The following LSAMP variants were observed in gnomAD, a reference collection of about 807,000 sequenced individuals.
LSAMP encodes the protein limbic system associated membrane protein.
LSAMP carries 7 observed loss-of-function variants against 38.6 expected under a neutral mutation model. That is an observed-to-expected ratio of 0.18 (90% CI 0.10 to 0.34). The LOEUF is 0.34. Among genes scored for constraint, LSAMP ranks in the 10% least tolerant of loss-of-function variants. The pLI is 1.00. For synonymous variants in LSAMP, 154 were observed against 166.8 expected (o/e 0.92, Z 0.59); for missense variants, 313 against 420.0 (o/e 0.75, Z 2.23).
chr3:115,986,579 T>C (rs1252657078), intron 3 of LSAMP, among the ~76,000 whole-genome samples: 2 of 152,038 alleles, frequency 1.3e-5, no homozygotes, highest in Non-Finnish European at 2.9e-5. Context: ...CTGAAAAAGT[T>C]GTGCAGCCCC....
In LSAMP at chr3:115,809,572, G is replaced by A. The variant is rs1463749343; in HGVS notation, c.*745C>T. ...CACACACATGTACACCCACGTGAGA[G>A]CGAAAGACTTGAGCACACACGCACA... is the stretch of plus-strand genomic sequence containing the variant. On this transcript the variant is annotated 3_prime_UTR_variant, in exon 7 of 7. Transcript: ENST00000490035. 6.6e-6 allele frequency: 1 copy of A among 152,412 alleles called. No homozygotes were observed. Among genetic ancestry groups the A allele is most frequent in the Non-Finnish European group, 1.5e-5 (1 of 68,214 alleles). The allele number at this position is 152,412 out of a possible 1,614,324, so 9.4% of individuals were successfully genotyped here. A position where few individuals can be genotyped will look rare whatever the true frequency, so the allele number is the denominator to read the frequency against.
intron 1 of LSAMP, among the ~76,000 whole-genome samples, chr3:116,411,491 T>C (rs1219897222): frequency 1.5e-4 from 23 of 150,886 alleles, no homozygotes; most frequent in Admixed American, 1.5e-3. Flanking sequence ...ATGGATGAAA[T>C]TGGAAATCAT....
intron 1 of LSAMP, among the ~76,000 whole-genome samples, chr3:116,212,730 T>C (rs2046174072): frequency 6.6e-6 from 1 of 152,236 alleles, no homozygotes; most frequent in Admixed American, 6.5e-5. Context: ...TAGTTCCTTA[T>C]GGCATTCTTC....
intron 1 of LSAMP, among the ~76,000 whole-genome samples, chr3:116,339,460 T>C (rs1478295993): frequency 6.6e-6 from 1 of 151,742 alleles, no homozygotes; most frequent in East Asian, 1.9e-4. Flanking sequence ...TCACAGCCAC[T>C]AATGAAGTTT....
intron 1 of LSAMP, among the ~76,000 whole-genome samples, chr3:116,401,326 G>T (rs2048840041): frequency 6.6e-6 from 1 of 152,058 alleles, no homozygotes; most frequent in South Asian, 2.1e-4. Context: ...CTGTTGCCAA[G>T]GCTGGAGTGC....
At chr3:116,093,567 G>A (rs1055716679) in intron 1 of LSAMP, among the ~76,000 whole-genome samples, 32 of 152,318 alleles carry the variant, frequency 2.1e-4, no homozygotes, top group African/African-American at 7.7e-4. Context: ...TTATAAGTTA[G>A]TAGTTAATCA....
intron 1 of LSAMP, among the ~76,000 whole-genome samples, chr3:116,443,110 A>C (rs2049459371): frequency 6.6e-6 from 1 of 152,236 alleles, no homozygotes; most frequent in Non-Finnish European, 1.5e-5. Flanking sequence ...ACCAGTGAAC[A>C]AAATTTCTAG....
intron 1 of LSAMP, among the ~76,000 whole-genome samples, chr3:116,112,522 A>G (rs1364637907): frequency 6.6e-6 from 1 of 152,238 alleles, no homozygotes. Flanking sequence ...CATTCATTTA[A>G]CAATCAGATG....
At chr3:115,906,579 T>G (rs1018197957) in intron 3 of LSAMP, among the ~76,000 whole-genome samples, 1 of 152,130 alleles carries the variant, frequency 6.6e-6, no homozygotes, top group Non-Finnish European at 1.5e-5. Flanking sequence ...AGCATTAACT[T>G]TAGAGTCCCA....
intron 1 of LSAMP, among the ~76,000 whole-genome samples, chr3:116,243,438 T>C (rs2046565733): frequency 6.6e-6 from 1 of 152,212 alleles, no homozygotes; most frequent in Non-Finnish European, 1.5e-5. Context: ...TCTAGCTCTT[T>C]AGTATTAGAA....
intron 1 of LSAMP, among the ~76,000 whole-genome samples, chr3:116,103,787 C>T (rs1365044229): frequency 6.6e-6 from 1 of 151,836 alleles, no homozygotes; most frequent in Non-Finnish European, 1.5e-5. Context: ...AAGTCAGAGT[C>T]CCTAATTTAT....
At chr3:115,871,582 AGTGTGTGTGTGT>A (rs59830926) in intron 3 of LSAMP, among the ~76,000 whole-genome samples, 21 of 144,924 alleles carry the variant, frequency 1.4e-4, no homozygotes, top group South Asian at 4.4e-4. Flanking sequence ...ACCAACGTGT[AGTGTGTGTGTGT>A]GTGTGTGTGT....
At chr3:116,391,589 G>GT (rs1440890973) in intron 1 of LSAMP, among the ~76,000 whole-genome samples, 1 of 152,074 alleles carries the variant, frequency 6.6e-6, no homozygotes, top group Non-Finnish European at 1.5e-5. Flanking sequence ...GCAGGGCGCG[G>GT]GGGTGGCAAG....
Position 116,445,207 on chromosome 3 carries a change from C to T in LSAMP, c.-176G>A, listed in dbSNP as rs1053396296. 1.1e-4 allele frequency: 66 copies of T among 622,374 alleles called. No individual in the cohort carries two copies. In the East Asian group the frequency reaches 1.4e-3, roughly 13 times the overall value. The allele number at this position is 622,374 out of a possible 1,614,324, so 38.6% of individuals were successfully genotyped here. A position where few individuals can be genotyped will look rare whatever the true frequency, so the allele number is the denominator to read the frequency against. ...TTCCCTCGCTCAGTCTCTTTTCCCT[C>T]TAAGACTTAACAAAGCCCTCATAAA... On this transcript the variant is annotated 5_prime_UTR_variant, in exon 1 of 7. Transcript: ENST00000490035.
At chr3:116,438,144 A>G (rs2049382051) in intron 1 of LSAMP, among the ~76,000 whole-genome samples, 1 of 152,012 alleles carries the variant, frequency 6.6e-6, no homozygotes, top group Non-Finnish European at 1.5e-5. Context: ...ACTTTAAAGG[A>G]CTTGAAATGA....
intron 3 of LSAMP, among the ~76,000 whole-genome samples, chr3:115,942,280 T>A (rs905751925): frequency 1.2e-4 from 18 of 152,324 alleles, no homozygotes; most frequent in Middle Eastern, 3.4e-3. Flanking sequence ...CAAGTGTGTG[T>A]CCTTGCTGAT....
rs1377041139 is a variant in LSAMP at position 115,802,422 on chromosome 3, CAGA to C, written c.*7892_*7894del. 2 of 151,870 alleles carry C rather than the reference CAGA, an allele frequency of 1.3e-5. No homozygotes were observed. The highest frequency in any genetic ancestry group is 2.4e-5 in the African/African-American group (1 of 41,342). The allele number at this position is 151,870 out of a possible 1,614,324, so 9.4% of individuals were successfully genotyped here. The stretch of plus-strand genomic sequence containing the variant: ...TTTATTTCATTTTGTTTTAAGATCA[CAGA>C]AGAGCAGAGCATTCATACGTGTAAA... On this transcript the variant is annotated 3_prime_UTR_variant, in exon 7 of 7. Coordinates refer to ENST00000490035, the MANE Select transcript of LSAMP (RefSeq NM_002338.5).
chr3:116,367,370 A>T (rs1349473526), intron 1 of LSAMP, among the ~76,000 whole-genome samples: 1 of 152,108 alleles, frequency 6.6e-6, no homozygotes, highest in Non-Finnish European at 1.5e-5. Context: ...CACTTGAATC[A>T]CAAGTTTCTG....
intron 3 of LSAMP, among the ~76,000 whole-genome samples, chr3:115,954,959 G>GTT (rs56322133): frequency 1.4e-3 from 202 of 147,372 alleles, no homozygotes; most frequent in Middle Eastern, 3.5e-3. Context: ...TTTTGTTTTT[G>GTT]TTTTTTTTTT....
Sources: allele counts gnomAD v4.1 joint callset (sites outside exome capture counted in the v4.1 genomes callset), GRCh38; gene constraint gnomAD v4.1.1; transcripts MANE v1.5; gene names NCBI Gene and HGNC (gene_info 2026-07-23, HGNC 2026-07-21).